TTYH3: variants seen among roughly 807,000 people sequenced by gnomAD.
TTYH3 encodes the protein tweety family member 3.
TTYH3 carries 23 observed loss-of-function variants against 68.2 expected under a neutral mutation model. The observed-to-expected ratio is 0.34, with a 90% CI of 0.24 to 0.48. The LOEUF is 0.48. TTYH3 is among the 20% of genes least tolerant of loss of function. TTYH3 has a pLI of 0.99. For missense variants in TTYH3, 768 were observed against 727.7 expected (o/e 1.06, Z -0.64); for synonymous variants, 360 against 332.8 (o/e 1.08, Z -0.89).
chr7:2,640,014 C>T (rs1410783632), intron 1 of TTYH3, among the ~76,000 whole-genome samples: 6 of 152,156 alleles, frequency 3.9e-5, no homozygotes, highest in Admixed American at 6.5e-5. Flanking sequence ...CCAGCTCACC[C>T]GCCCCCGCTG....
chr7:2,645,507 C>G lies in TTYH3; in HGVS notation c.124-1346C>G, dbSNP rs1350870970. The G allele has an allele frequency of 4.6e-6, 1 of 219,162 alleles. No individual in the cohort carries two copies. 13.6% of individuals were successfully genotyped at this position (219,162 alleles called of 1,614,324 possible). A position where few individuals can be genotyped will look rare whatever the true frequency, so the allele number is the denominator to read the frequency against. ...GTCGCCTGGCCTCGGGACAGGGGAG[C>G]TCTGGTGTCTGTTCTGTGGTCTGTC... is the stretch of plus-strand genomic sequence containing the variant. On this transcript the variant is annotated intron_variant, in intron 1 of 13. Transcript: ENST00000258796. The surrounding 1 kb of genome is among the most constrained non-coding windows in gnomAD (Gnocchi z 4.8).
intron 13 of TTYH3, chr7:2,660,245 G>T (rs780712013): frequency 4.1e-6 from 4 of 985,282 alleles, no homozygotes; most frequent in Non-Finnish European, 4.8e-6. Context: ...AGTGGGGTTG[G>T]CAAGTCCCCT....
At chr7:2,638,330 T>C (rs1233588959) in intron 1 of TTYH3, among the ~76,000 whole-genome samples, 3 of 151,558 alleles carry the variant, frequency 2.0e-5, no homozygotes, top group African/African-American at 7.3e-5. Flanking sequence ...TTGCTGCAGC[T>C]CTTTGGTGTC....
rs770524152 is a variant in TTYH3 at position 2,661,912 on chromosome 7, G to A, written c.*173G>A. ...CTCCCCGCAGGGGCACAGTGGAGACGCAGGGGCTCTGGGCCCGTACCGCCA... is the reference window on the plus strand; with the variant it reads ...CTCCCCGCAGGGGCACAGTGGAGACACAGGGGCTCTGGGCCCGTACCGCCA... On this transcript the variant is annotated 3_prime_UTR_variant, in exon 14 of 14. Coordinates refer to ENST00000258796, the MANE Select transcript of TTYH3 (RefSeq NM_025250.3). The A allele has an allele frequency of 2.1e-4, 148 of 709,846 alleles. No individual in the cohort carries two copies. The highest frequency in any genetic ancestry group is 3.1e-4 in the Non-Finnish European group (129 of 422,160). 44.0% of individuals were successfully genotyped at this position (709,846 alleles called of 1,614,324 possible).
intron 1 of TTYH3, among the ~76,000 whole-genome samples, chr7:2,642,151 T>C (rs934294215): frequency 1.1e-4 from 17 of 152,208 alleles, no homozygotes; most frequent in Admixed American, 8.5e-4. Context: ...ATCCAGCACT[T>C]TGGGAGGCCG....
chr7:2,632,068 G>C lies in TTYH3; in HGVS notation c.-88G>C, dbSNP rs1785534337. Reference sequence around the variant, plus strand: ...GCGGATGATGCGGGCGGCCAGGCGGGGGTCGACGGGTCCCTGAAGCCCGCG... The same window carrying C: ...GCGGATGATGCGGGCGGCCAGGCGGCGGTCGACGGGTCCCTGAAGCCCGCG... On this transcript the variant is annotated 5_prime_UTR_variant, in exon 1 of 14. Transcript: ENST00000258796. The C allele has an allele frequency of 8.5e-7, 1 of 1,169,768 alleles. No individual in the cohort carries two copies. The highest frequency in any genetic ancestry group is 1.1e-6 in the Non-Finnish European group (1 of 939,158). The allele number at this position is 1,169,768 out of a possible 1,614,324, so 72.5% of individuals were successfully genotyped here. A position where few individuals can be genotyped will look rare whatever the true frequency, so the allele number is the denominator to read the frequency against.
Position 2,633,112 on chromosome 7 carries a change from A to AG in TTYH3, c.123+834_123+835insG, listed in dbSNP as rs535244421. Reference sequence around the variant, plus strand: ...CCAGCACCACCCCCATCGCCAAGCTACTGTCATTTGAGTGCGGGGCAGGGG... The same window carrying AG: ...CCAGCACCACCCCCATCGCCAAGCTAGCTGTCATTTGAGTGCGGGGCAGGGG... On this transcript the variant is annotated intron_variant, in intron 1 of 13. Coordinates refer to ENST00000258796, the MANE Select transcript of TTYH3 (RefSeq NM_025250.3). Among the ~76,000 whole-genome samples, 1,150 of 152,116 alleles carry AG rather than the reference A, an allele frequency of 7.6e-3. 10 individuals carry two copies. Among genetic ancestry groups the AG allele is most frequent in the Non-Finnish European group, 0.013 (863 of 67,946 alleles).
intron 1 of TTYH3, among the ~76,000 whole-genome samples, chr7:2,640,560 G>A (rs376017528): frequency 1.3e-5 from 2 of 152,218 alleles, no homozygotes; most frequent in African/African-American, 4.8e-5. Context: ...GTGGCAGGCA[G>A]TGTGCCCTGC....
intron 9 of TTYH3, among the ~76,000 whole-genome samples, 193 bp downstream of exon 9, chr7:2,653,203 A>T (rs896530059): frequency 6.6e-6 from 1 of 151,914 alleles, no homozygotes; most frequent in Non-Finnish European, 1.5e-5. Flanking sequence ...GTTAGGCCTC[A>T]TTTTTTCCTC....
chr7:2,647,125 G>A lies in TTYH3; in HGVS notation c.294-17G>A. 3 of 1,583,524 alleles carry A rather than the reference G, an allele frequency of 1.9e-6. No homozygotes were observed. Among genetic ancestry groups the A allele is most frequent in the Non-Finnish European group, 2.6e-6 (3 of 1,168,068 alleles). On this transcript the variant is annotated splice_polypyrimidine_tract_variant and intron_variant, in intron 2 of 13. Coordinates refer to ENST00000258796, the MANE Select transcript of TTYH3 (RefSeq NM_025250.3). ...GTGGGTGGGCGGGGCTACATCTCACGGGCCCGCCCTCTCCAGCGCCGGCAT... is the reference window on the plus strand; with the variant it reads ...GTGGGTGGGCGGGGCTACATCTCACAGGCCCGCCCTCTCCAGCGCCGGCAT...
chr7:2,635,939 G>A (rs940684821), intron 1 of TTYH3, among the ~76,000 whole-genome samples: 2 of 152,216 alleles, frequency 1.3e-5, no homozygotes, highest in African/African-American at 4.8e-5. Flanking sequence ...GAGCCTCGGG[G>A]AGAGGCCTCA....
At chr7:2,648,384 T>C (rs1160900697) in intron 5 of TTYH3, 4 of 279,156 alleles carry the variant, frequency 1.4e-5, no homozygotes, top group Non-Finnish European at 2.7e-5. Flanking sequence ...TGGGGCTCCT[T>C]CCTCCACCCC....
chr7:2,640,080 G>A (rs1785794298), intron 1 of TTYH3, among the ~76,000 whole-genome samples: 1 of 152,240 alleles, frequency 6.6e-6, no homozygotes, highest in South Asian at 2.1e-4. Flanking sequence ...CAGGACACGG[G>A]CCCTATGTCT....
At chr7:2,638,353 G>A (rs557311121) in intron 1 of TTYH3, among the ~76,000 whole-genome samples, 32 of 152,264 alleles carry the variant, frequency 2.1e-4, no homozygotes, top group Non-Finnish European at 2.9e-4. Flanking sequence ...TTCCTTGCAC[G>A]AGGGGGAGGG....
Position 2,647,155 on chromosome 7 carries a change from G to C in TTYH3, c.307G>C (p.Val103Leu). The C allele has an allele frequency of 6.2e-7, 1 of 1,605,278 alleles. No homozygotes were observed. The change falls in exon 3 of 14, where the codon GTG (valine) becomes CTG (leucine). Residue 103 changes from valine (V) to leucine (L), a missense_variant. Val to Leu is a conservative substitution (Grantham distance 32). Coordinates refer to ENST00000258796, the MANE Select transcript of TTYH3 (RefSeq NM_025250.3). The stretch of plus-strand genomic sequence containing the variant: ...CGCCCTCTCCAGCGCCGGCATCGCA[G>C]TGGGATTCTACGGCAACGGGGAGAC... ...ATLVCSAGIA[V>L]GFYGNGETSD...
At chr7:2,640,455 C>T (rs75925903) in intron 1 of TTYH3, among the ~76,000 whole-genome samples, 2,906 of 152,276 alleles carry the variant, frequency 0.019, 64 homozygotes, top group African/African-American at 0.055. Flanking sequence ...TGCACCCTCC[C>T]GAGTGGCATG....
intron 10 of TTYH3, 30 bp downstream of exon 10, chr7:2,656,214 G>T: frequency 7.1e-6 from 11 of 1,556,798 alleles, no homozygotes; most frequent in Non-Finnish European, 9.6e-6. Flanking sequence ...ACAGGGCCAT[G>T]GCAGCTTGTA....
At chr7:2,639,926 G>C (rs1437947619) in intron 1 of TTYH3, among the ~76,000 whole-genome samples, 1 of 152,174 alleles carries the variant, frequency 6.6e-6, no homozygotes, top group Non-Finnish European at 1.5e-5. Flanking sequence ...CCCCGTGGCT[G>C]CACCCCTGGG....
intron 13 of TTYH3, chr7:2,660,089 C>T: frequency 7.8e-7 from 1 of 1,280,964 alleles, no homozygotes; most frequent in Non-Finnish European, 1.0e-6. Context: ...GCCTGCGCCT[C>T]CCGCCTCCAC....
Sources: allele counts gnomAD v4.1 joint callset (sites outside exome capture counted in the v4.1 genomes callset), GRCh38; gene constraint gnomAD v4.1.1; non-coding constraint Gnocchi (gnomAD v3.1); transcripts MANE v1.5; gene names NCBI Gene and HGNC (gene_info 2026-07-23, HGNC 2026-07-21).